SH3PXD2B: variants seen among roughly 807,000 people sequenced by gnomAD.
SH3PXD2B encodes the protein SH3 and PX domains 2B.
SH3PXD2B carries 37 observed loss-of-function variants against 73.1 expected under a neutral mutation model. The ratio of observed to expected loss-of-function variants is 0.51; its 90% confidence interval spans 0.39 to 0.67. The LOEUF is 0.67. Ranked by LOEUF, SH3PXD2B falls within the 30% of genes least tolerant of loss-of-function variation. The pLI is 0.00. For synonymous variants in SH3PXD2B, 457 were observed against 480.5 expected (o/e 0.95, Z 0.64); for missense variants, 1,053 against 1,197.8 (o/e 0.88, Z 1.78).
In SH3PXD2B at chr5:172,405,377, G is replaced by C. The variant is rs151188659; in HGVS notation, c.232+900C>G. 2.0e-3 allele frequency among the ~76,000 whole-genome samples: 299 copies of C among 152,368 alleles called. 2 individuals are homozygous for C. The highest frequency in any genetic ancestry group is 6.8e-3 in the African/African-American group (282 of 41,584). On this transcript the variant is annotated intron_variant, in intron 3 of 12. Transcript: ENST00000311601. Reference sequence around the variant, plus strand: ...ATCCTGGATTAGTCAGGTAATAATTGTATGAGTCCTTAAAAGCAGACAGCT... The same window carrying C: ...ATCCTGGATTAGTCAGGTAATAATTCTATGAGTCCTTAAAAGCAGACAGCT...
In SH3PXD2B at chr5:172,346,258, G is replaced by A; in HGVS notation, c.1066C>T (p.Arg356Ter). 2 of 1,613,774 alleles carry A rather than the reference G, an allele frequency of 1.2e-6. No individual in the cohort carries two copies. Among genetic ancestry groups the A allele is most frequent in the Non-Finnish European group, 8.5e-7 (1 of 1,179,982 alleles). ...PPPRRDMTIP[R>*]GLNLPKPPIP... is the part of the protein sequence containing the mutation. ...GGCGGCTTCGGCAGGTTGAGGCCTC[G>A]AGGCTGGTACGATCACACACAGGGT... The change falls in exon 12 of 13, where the codon CGA (arginine) becomes TGA (stop). Residue 356 changes from arginine (R) to a stop codon, truncating the protein, a stop_gained. Coordinates refer to ENST00000311601, the MANE Select transcript of SH3PXD2B (RefSeq NM_001017995.3). LOFTEE classifies it high-confidence loss of function.
rs1400288008 is a variant in SH3PXD2B at position 172,368,897 on chromosome 5, TA to T, written c.427+4892del. On this transcript the variant is annotated intron_variant, in intron 6 of 12. Coordinates refer to ENST00000311601, the MANE Select transcript of SH3PXD2B (RefSeq NM_001017995.3). ...AATATATAATATAAAAAAAAATATA[TA>T]TATATATATTTTTGAGACGGAGTTT... Among the ~76,000 whole-genome samples the T allele has an allele frequency of 5.9e-3, 836 of 140,880 alleles. 14 individuals carry two copies. The highest frequency in any genetic ancestry group is 0.021 in the African/African-American group (785 of 38,252). 92.4% of individuals were successfully genotyped at this position (140,880 alleles called of 152,430 possible).
chr5:172,376,624 C>T (rs190337695), intron 5 of SH3PXD2B, among the ~76,000 whole-genome samples: 26 of 152,268 alleles, frequency 1.7e-4, no homozygotes, highest in Admixed American at 1.4e-3. Context: ...CTGGCCAGGT[C>T]GGGCTGGGCT....
chr5:172,413,133 C>T lies in SH3PXD2B; in HGVS notation c.157-6781G>A, dbSNP rs569456701. ...ATATCACAAAACCCCCAAGTCCCAGCGGAGCCGGAGCAGGAAGTGGAGAAA... is the reference window on the plus strand; with the variant it reads ...ATATCACAAAACCCCCAAGTCCCAGTGGAGCCGGAGCAGGAAGTGGAGAAA... On this transcript the variant is annotated intron_variant, in intron 2 of 12. Transcript: ENST00000311601. 1.2e-4 allele frequency among the ~76,000 whole-genome samples: 18 copies of T among 152,320 alleles called. No individual in the cohort carries two copies. In the East Asian group the frequency reaches 2.9e-3, roughly 24 times the overall value.
intron 3 of SH3PXD2B, among the ~76,000 whole-genome samples, chr5:172,400,043 C>A (rs558026711): frequency 1.3e-5 from 2 of 152,152 alleles, no homozygotes; most frequent in African/African-American, 4.8e-5. Context: ...CTTGAACATG[C>A]ACCTGGTTGT....
chr5:172,340,181 G>C (rs1309758777), intron 12 of SH3PXD2B, among the ~76,000 whole-genome samples: 1 of 152,226 alleles, frequency 6.6e-6, no homozygotes, highest in Non-Finnish European at 1.5e-5. Context: ...TAATTTGAGA[G>C]TTGGTCCTAG....
At chr5:172,402,334 C>T (rs1405983250) in intron 3 of SH3PXD2B, among the ~76,000 whole-genome samples, 1 of 152,222 alleles carries the variant, frequency 6.6e-6, no homozygotes, top group East Asian at 1.9e-4. Context: ...AATGACAATG[C>T]ATGCCCGAAA....
intron 12 of SH3PXD2B, among the ~76,000 whole-genome samples, chr5:172,341,139 C>A (rs1004939665): frequency 6.6e-6 from 1 of 152,138 alleles, no homozygotes; most frequent in Non-Finnish European, 1.5e-5. Context: ...AAGGTGTGCT[C>A]GCTATTATGG....
chr5:172,355,202 G>A (rs988442088), intron 8 of SH3PXD2B, among the ~76,000 whole-genome samples: 3 of 152,258 alleles, frequency 2.0e-5, no homozygotes, highest in East Asian at 1.9e-4. Context: ...CATGCCGTCC[G>A]CGGCCTGCCC....
Position 172,368,753 on chromosome 5 carries a change from ATATT to A in SH3PXD2B, c.427+5033_427+5036del, listed in dbSNP as rs551045140. Among the ~76,000 whole-genome samples, 268 of 112,310 alleles carry A rather than the reference ATATT, an allele frequency of 2.4e-3. 5 individuals are homozygous for A. Among genetic ancestry groups the A allele is most frequent in the African/African-American group, 5.9e-3 (170 of 28,940 alleles). 73.7% of individuals were successfully genotyped at this position (112,310 alleles called of 152,430 possible). A position where few individuals can be genotyped will look rare whatever the true frequency, so the allele number is the denominator to read the frequency against. The stretch of plus-strand genomic sequence containing the variant: ...TATATTTAATATATGTAATATATAT[ATATT>A]TAATATATAATATACATATATATTT... On this transcript the variant is annotated intron_variant, in intron 6 of 12. Coordinates refer to ENST00000311601, the MANE Select transcript of SH3PXD2B (RefSeq NM_001017995.3).
At chr5:172,392,366 C>T (rs947569385) in intron 4 of SH3PXD2B, among the ~76,000 whole-genome samples, 1 of 152,128 alleles carries the variant, frequency 6.6e-6, no homozygotes, top group African/African-American at 2.4e-5. Flanking sequence ...TTCCAGTCTC[C>T]AGAACTGTAG....
At chr5:172,414,568 A>G (rs985442698) in intron 2 of SH3PXD2B, among the ~76,000 whole-genome samples, 1 of 152,058 alleles carries the variant, frequency 6.6e-6, no homozygotes, top group African/African-American at 2.4e-5. Context: ...CTGGAGAGAC[A>G]AAGGCATAGA....
chr5:172,333,642 A>G lies in SH3PXD2B; in HGVS notation c.*4727T>C. The G allele has an allele frequency of 1.1e-5, 14 of 1,289,214 alleles. No individual in the cohort carries two copies. The highest frequency in any genetic ancestry group is 1.4e-5 in the Non-Finnish European group (14 of 988,832). The allele number at this position is 1,289,214 out of a possible 1,614,324, so 79.9% of individuals were successfully genotyped here. A position where few individuals can be genotyped will look rare whatever the true frequency, so the allele number is the denominator to read the frequency against. The stretch of plus-strand genomic sequence containing the variant: ...CCCCTCACATCCTATATACTCATTT[A>G]TTTAATGTGTTAAAGGAAACAAAAA... On this transcript the variant is annotated 3_prime_UTR_variant, in exon 13 of 13. Transcript: ENST00000311601.
At chr5:172,438,522 G>A (rs549894261) in intron 1 of SH3PXD2B, among the ~76,000 whole-genome samples, 9 of 152,216 alleles carry the variant, frequency 5.9e-5, no homozygotes, top group Non-Finnish European at 1.2e-4. Context: ...AAGGCTCTCT[G>A]TGTCCAGAGA....
chr5:172,448,223 T>C (rs935363252), intron 1 of SH3PXD2B, among the ~76,000 whole-genome samples: 13 of 152,218 alleles, frequency 8.5e-5, no homozygotes, highest in Admixed American at 6.5e-5. Context: ...AGAATGCCTC[T>C]TGAATGAAAA....
At chr5:172,372,866 G>T (rs1321828582) in intron 6 of SH3PXD2B, among the ~76,000 whole-genome samples, 1 of 152,142 alleles carries the variant, frequency 6.6e-6, no homozygotes, top group Non-Finnish European at 1.5e-5. Flanking sequence ...TGGAAGTTCC[G>T]AAGTCCACAT....
chr5:172,403,693 A>C (rs150053130), intron 3 of SH3PXD2B, among the ~76,000 whole-genome samples: 154 of 152,328 alleles, frequency 1.0e-3, no homozygotes, highest in Middle Eastern at 6.8e-3. Context: ...TTATCCAGTA[A>C]AGAGTTAGAA....
At chr5:172,345,964 C>T (rs931295067) in intron 12 of SH3PXD2B, among the ~76,000 whole-genome samples, 172 bp downstream of exon 12, 1 of 152,088 alleles carries the variant, frequency 6.6e-6, no homozygotes, top group African/African-American at 2.4e-5. Flanking sequence ...TATCATAAGC[C>T]GCTGAATTTT....
intron 2 of SH3PXD2B, among the ~76,000 whole-genome samples, chr5:172,420,032 T>C (rs1758922935): frequency 6.6e-6 from 1 of 152,224 alleles, no homozygotes; most frequent in African/African-American, 2.4e-5. Context: ...TCATTCATTC[T>C]CAGCCAGGAC....
Sources: gnomAD v4.1 joint callset for allele counts (sites outside exome capture counted in the v4.1 genomes callset) on GRCh38, gnomAD v4.1.1 for gene constraint, MANE v1.5 for transcripts, NCBI Gene and HGNC (gene_info 2026-07-23, HGNC 2026-07-21) for gene names.